ADAMTS3: variants seen among roughly 807,000 people sequenced by gnomAD.
The protein encoded by ADAMTS3 is ADAM metallopeptidase with thrombospondin type 1 motif 3, also known as A disintegrin and metalloproteinase with thrombospondin motifs 3.
Under a neutral mutation model 129.0 loss-of-function variants are expected in ADAMTS3, and 73 were observed. That is an observed-to-expected ratio of 0.57 (90% CI 0.47 to 0.69). The LOEUF (loss-of-function observed/expected upper bound fraction) is 0.69. Ranked by LOEUF, ADAMTS3 falls within the 30% of genes least tolerant of loss-of-function variation. The pLI is 0.00. For missense variants in ADAMTS3, 1,457 were observed against 1,514.5 expected (o/e 0.96, Z 0.63); for synonymous variants, 477 against 510.8 (o/e 0.93, Z 0.89).
chr4:72,311,935 C>T (rs1219784181), intron 13 of ADAMTS3, among the ~76,000 whole-genome samples: 1 of 152,034 alleles, frequency 6.6e-6, no homozygotes, highest in Non-Finnish European at 1.5e-5. Context: ...TTTCAAAGAA[C>T]TATATTTTTC....
intron 3 of ADAMTS3, among the ~76,000 whole-genome samples, chr4:72,518,229 C>T (rs1413079511): frequency 1.3e-5 from 2 of 152,068 alleles, no homozygotes; most frequent in African/African-American, 4.8e-5. Context: ...TGTTCTTTTA[C>T]ATTTGCTGAG....
chr4:72,517,617 T>A (rs1445687378), intron 3 of ADAMTS3, among the ~76,000 whole-genome samples: 5 of 152,222 alleles, frequency 3.3e-5, no homozygotes, highest in Non-Finnish European at 7.3e-5. Context: ...TTCTACTTTA[T>A]TTGCATAGAG....
At chr4:72,457,124 GAAATTAAAATTAGTAAACA>G in intron 3 of ADAMTS3, among the ~76,000 whole-genome samples, 4 of 151,634 alleles carry the variant, frequency 2.6e-5, no homozygotes, top group Non-Finnish European at 5.9e-5. Flanking sequence ...ATTTATAATA[GAAATTAAAATTAGTAAACA>G]AAGTGAGCTT....
chr4:72,532,652 T>C (rs1444221109), intron 3 of ADAMTS3, among the ~76,000 whole-genome samples: 2 of 152,172 alleles, frequency 1.3e-5, no homozygotes, highest in Non-Finnish European at 2.9e-5. Context: ...ATGGTATACT[T>C]ACACAACCGT....
intron 3 of ADAMTS3, among the ~76,000 whole-genome samples, chr4:72,537,789 C>T (rs368058498): frequency 3.9e-4 from 59 of 152,202 alleles, no homozygotes; most frequent in Middle Eastern, 3.4e-3. Context: ...ACAATAGATA[C>T]GGTTCCTAAA....
intron 3 of ADAMTS3, among the ~76,000 whole-genome samples, chr4:72,464,530 A>G (rs1351986004): frequency 6.6e-6 from 1 of 152,074 alleles, no homozygotes; most frequent in South Asian, 2.1e-4. Flanking sequence ...ATAAATTTTT[A>G]ACTAAATTTA....
intron 3 of ADAMTS3, among the ~76,000 whole-genome samples, chr4:72,455,458 G>A (rs370620198): frequency 8.6e-5 from 13 of 151,172 alleles, no homozygotes; most frequent in South Asian, 6.3e-4. Context: ...GGAACATCAC[G>A]CACCAGGGCC....
intron 4 of ADAMTS3, among the ~76,000 whole-genome samples, chr4:72,414,349 T>G (rs1018009516): frequency 6.7e-6 from 1 of 148,950 alleles, no homozygotes; most frequent in Non-Finnish European, 1.5e-5. Flanking sequence ...CTCCATCTAG[T>G]AAAAGTTTTG....
Position 72,510,874 on chromosome 4 carries a change from T to C in ADAMTS3, c.504+37604A>G, listed in dbSNP as rs116742757. Among the ~76,000 whole-genome samples the C allele has an allele frequency of 7.4e-3, 1,018 of 137,660 alleles. 14 individuals are homozygous for C. The highest frequency in any genetic ancestry group is 0.026 in the African/African-American group (983 of 37,168). 90.3% of individuals were successfully genotyped at this position (137,660 alleles called of 152,430 possible). ...AGGAATCACATTATCTGACTTCAAA[T>C]TACACTACAGAGCTGTGATAAACAA... On this transcript the variant is annotated intron_variant, in intron 3 of 21. Coordinates refer to ENST00000286657, the MANE Select transcript of ADAMTS3 (RefSeq NM_014243.3).
intron 4 of ADAMTS3, among the ~76,000 whole-genome samples, chr4:72,373,056 T>A (rs1295210279): frequency 6.6e-6 from 1 of 152,198 alleles, no homozygotes; most frequent in Non-Finnish European, 1.5e-5. Flanking sequence ...TAATCCCCGT[T>A]AAAATTGTGA....
chr4:72,315,619 G>C (rs1029433528), intron 11 of ADAMTS3, among the ~76,000 whole-genome samples: 34 of 152,124 alleles, frequency 2.2e-4, no homozygotes, highest in African/African-American at 8.0e-4. Flanking sequence ...TTGACTTCTG[G>C]CCTCTAGAAC....
chr4:72,432,732 G>C (rs868760648), intron 3 of ADAMTS3, among the ~76,000 whole-genome samples: 3 of 151,822 alleles, frequency 2.0e-5, no homozygotes, highest in Non-Finnish European at 2.9e-5. Context: ...TATGCTGATG[G>C]TATCAAGGAC....
At chr4:72,376,794 C>T (rs554723812) in intron 4 of ADAMTS3, among the ~76,000 whole-genome samples, 13 of 152,142 alleles carry the variant, frequency 8.5e-5, no homozygotes, top group Non-Finnish European at 1.6e-4. Context: ...ACACTTTGAA[C>T]ATATAGGCTG....
chr4:72,397,575 A>T (rs937662424), intron 4 of ADAMTS3, among the ~76,000 whole-genome samples: 1 of 151,830 alleles, frequency 6.6e-6, no homozygotes, highest in East Asian at 1.9e-4. Flanking sequence ...ACACACACAC[A>T]CACACACACA....
In ADAMTS3 at chr4:72,485,737, C is replaced by T. The variant is rs1038132393; in HGVS notation, c.504+62741G>A. Among the ~76,000 whole-genome samples the T allele has an allele frequency of 4.6e-5, 7 of 152,236 alleles. No individual in the cohort carries two copies. The East Asian group carries it at 7.7e-4, about 17-fold the overall frequency. ...ACTGCTATGGTCTGAATGTTAGCAT[C>T]CCCCTCAAAATTCATACGTTGAAAC... is the stretch of plus-strand genomic sequence containing the variant. On this transcript the variant is annotated intron_variant, in intron 3 of 21. Coordinates refer to ENST00000286657, the MANE Select transcript of ADAMTS3 (RefSeq NM_014243.3).
At chr4:72,450,370 A>G (rs1330216916) in intron 3 of ADAMTS3, among the ~76,000 whole-genome samples, 1 of 151,692 alleles carries the variant, frequency 6.6e-6, no homozygotes, top group African/African-American at 2.4e-5. Context: ...CATGCAAGGC[A>G]CCCCTCTGCT....
chr4:72,516,692 C>G (rs12501408), intron 3 of ADAMTS3, among the ~76,000 whole-genome samples: 46,355 of 151,276 alleles, frequency 0.31, 7,045 homozygotes, highest in Middle Eastern at 0.34. Context: ...ATTTTGTATC[C>G]TGACACTTTG....
chr4:72,515,841 T>C (rs901133293), intron 3 of ADAMTS3, among the ~76,000 whole-genome samples: 3 of 152,172 alleles, frequency 2.0e-5, no homozygotes, highest in Non-Finnish European at 4.4e-5. Flanking sequence ...TTTAGTTTAG[T>C]TAGATCCCAT....
intron 3 of ADAMTS3, among the ~76,000 whole-genome samples, chr4:72,442,471 G>T (rs1004139452): frequency 2.6e-5 from 4 of 151,628 alleles, no homozygotes; most frequent in African/African-American, 9.7e-5. Context: ...GAGGAAAAAA[G>T]CAAGAAAAAG....
Sources: allele counts gnomAD v4.1 joint callset (sites outside exome capture counted in the v4.1 genomes callset), GRCh38; gene constraint gnomAD v4.1.1; transcripts MANE v1.5; gene names NCBI Gene and HGNC (gene_info 2026-07-23, HGNC 2026-07-21).